Variants in CDH13 observed in about 807,000 individuals in gnomAD.
The protein encoded by CDH13 is cadherin 13.
In CDH13, 24 loss-of-function variants were observed where a neutral mutation model predicts 63.8. The observed-to-expected ratio is 0.38, with a 90% CI of 0.27 to 0.53. The LOEUF is 0.53. Ranked by LOEUF, CDH13 falls within the 20% of genes least tolerant of loss-of-function variation. The pLI is 0.85. For missense variants in CDH13, 1,049 were observed against 903.1 expected (o/e 1.16, Z -2.07); for synonymous variants, 503 against 355.3 (o/e 1.42, Z -4.67).
At chr16:83,376,317 GC>G (rs1201674557) in intron 6 of CDH13, among the ~76,000 whole-genome samples, 1 of 152,150 alleles carries the variant, frequency 6.6e-6, no homozygotes, top group Non-Finnish European at 1.5e-5. Context: ...AGGGGCTTGT[GC>G]CTACACCTAG....
At chr16:83,156,136 G>C (rs2151702907) in intron 4 of CDH13, among the ~76,000 whole-genome samples, 1 of 152,312 alleles carries the variant, frequency 6.6e-6, no homozygotes, top group East Asian at 1.9e-4. Context: ...TCAGCACAAA[G>C]AGGCTTGGTT....
chr16:83,665,907 G>C (rs1269381489), intron 8 of CDH13, among the ~76,000 whole-genome samples: 1 of 152,156 alleles, frequency 6.6e-6, no homozygotes, highest in Admixed American at 6.5e-5. Context: ...GATTGTCTTT[G>C]TGGCTCATCC....
intron 6 of CDH13, among the ~76,000 whole-genome samples, chr16:83,365,124 G>A (rs2091233598): frequency 6.6e-6 from 1 of 152,212 alleles, no homozygotes; most frequent in South Asian, 2.1e-4. Context: ...GCTGACATCT[G>A]CAGTCAGTAG....
rs1310903037 is a variant in CDH13 at position 83,799,303 on chromosome 16, A to G, written c.*4273A>G. Reference sequence around the variant, plus strand: ...GGCAACAGAGCAAGACTCCGTCAAAAAAAAAAAAAAAAAAAAAGAAAGAAA... The same window carrying G: ...GGCAACAGAGCAAGACTCCGTCAAAGAAAAAAAAAAAAAAAAAGAAAGAAA... On this transcript the variant is annotated 3_prime_UTR_variant, in exon 14 of 14. Coordinates refer to ENST00000567109, the MANE Select transcript of CDH13 (RefSeq NM_001257.5). The G allele has an allele frequency of 1.1e-5, 1 of 92,738 alleles. No homozygotes were observed. The highest frequency in any genetic ancestry group is 9.3e-5 in the Admixed American group (1 of 10,756). 5.7% of individuals were successfully genotyped at this position (92,738 alleles called of 1,614,324 possible).
intron 6 of CDH13, among the ~76,000 whole-genome samples, chr16:83,419,016 C>A (rs1476651116): frequency 6.6e-6 from 1 of 152,104 alleles, no homozygotes; most frequent in African/African-American, 2.4e-5. Context: ...CTTCATGACA[C>A]CTCATCTGTT....
At chr16:83,481,356 G>C (rs764578834) in intron 6 of CDH13, among the ~76,000 whole-genome samples, 9 of 152,214 alleles carry the variant, frequency 5.9e-5, no homozygotes, top group South Asian at 2.1e-4. Flanking sequence ...GTTAAGAACA[G>C]CATAATTTTG....
intron 1 of CDH13, among the ~76,000 whole-genome samples, chr16:82,746,820 C>T (rs142340201): frequency 1.3e-5 from 2 of 152,034 alleles, no homozygotes; most frequent in Non-Finnish European, 2.9e-5. Context: ...GAATCATTTG[C>T]TTTGTTTTGG....
intron 1 of CDH13, among the ~76,000 whole-genome samples, chr16:82,758,192 T>G (rs1201457645): frequency 6.6e-6 from 1 of 152,064 alleles, no homozygotes; most frequent in Non-Finnish European, 1.5e-5. Flanking sequence ...TCACCTGGTA[T>G]TTTGAGCTAT....
At chr16:82,699,273 C>T (rs1385351503) in intron 1 of CDH13, among the ~76,000 whole-genome samples, 2 of 152,140 alleles carry the variant, frequency 1.3e-5, no homozygotes, top group East Asian at 3.9e-4. Flanking sequence ...TGAGGTTGCC[C>T]TGCCAAGGAC....
At chr16:83,616,076 C>A (rs948539291) in intron 8 of CDH13, among the ~76,000 whole-genome samples, 1 of 152,032 alleles carries the variant, frequency 6.6e-6, no homozygotes, top group Non-Finnish European at 1.5e-5. Flanking sequence ...ATATAAGCAA[C>A]GATCTACAAA....
intron 5 of CDH13, among the ~76,000 whole-genome samples, chr16:83,256,880 C>T (rs2151831516): frequency 6.6e-6 from 1 of 151,702 alleles, no homozygotes; most frequent in African/African-American, 2.4e-5. Flanking sequence ...AGTTCCCAGG[C>T]CCCTGTTAGA....
intron 3 of CDH13, among the ~76,000 whole-genome samples, chr16:83,055,730 C>T (rs1053125375): frequency 1.3e-5 from 2 of 151,948 alleles, no homozygotes; most frequent in South Asian, 2.1e-4. Flanking sequence ...AAAAATGAAA[C>T]GCTTTCCAGC....
intron 6 of CDH13, among the ~76,000 whole-genome samples, chr16:83,480,337 G>A (rs1002665732): frequency 6.6e-6 from 1 of 152,100 alleles, no homozygotes; most frequent in African/African-American, 2.4e-5. Flanking sequence ...ATAAAATTTG[G>A]GGCTTAACTG....
intron 1 of CDH13, among the ~76,000 whole-genome samples, chr16:82,743,163 T>C (rs2034009352): frequency 6.6e-6 from 1 of 152,140 alleles, no homozygotes; most frequent in Non-Finnish European, 1.5e-5. Context: ...ACTTTTGTCT[T>C]TATCTTCTGG....
chr16:83,618,707 A>G (rs1909522858), intron 8 of CDH13, among the ~76,000 whole-genome samples: 3 of 152,020 alleles, frequency 2.0e-5, no homozygotes, highest in Admixed American at 2.0e-4. Context: ...TAAACTGCAG[A>G]GATCCCTGAA....
At chr16:82,851,911 C>T (rs1348082672) in intron 1 of CDH13, among the ~76,000 whole-genome samples, 1 of 152,212 alleles carries the variant, frequency 6.6e-6, no homozygotes, top group Admixed American at 6.5e-5. Context: ...GATCTCAATA[C>T]ACTGACTTTA....
intron 5 of CDH13, among the ~76,000 whole-genome samples, chr16:83,240,436 A>G (rs960469810): frequency 2.6e-5 from 4 of 152,096 alleles, no homozygotes; most frequent in Admixed American, 2.6e-4. Context: ...AGTGGAAGTG[A>G]GGAGCCAAGC....
At chr16:83,525,666 A>G (rs2074944164) in intron 7 of CDH13, among the ~76,000 whole-genome samples, 1 of 152,156 alleles carries the variant, frequency 6.6e-6, no homozygotes, top group African/African-American at 2.4e-5. Context: ...AGAAGCTGGG[A>G]CTATGTTGCC....
intron 8 of CDH13, among the ~76,000 whole-genome samples, chr16:83,646,710 A>AG (rs1555507964): frequency 3.9e-5 from 3 of 76,716 alleles, no homozygotes; most frequent in Non-Finnish European, 9.6e-5. Context: ...AAAAAAAAAA[A>AG]AAACACACAC....
Sources: allele counts gnomAD v4.1 joint callset (sites outside exome capture counted in the v4.1 genomes callset), GRCh38; gene constraint gnomAD v4.1.1; transcripts MANE v1.5; gene names NCBI Gene and HGNC (gene_info 2026-07-23, HGNC 2026-07-21).